OXR1: variants seen among roughly 807,000 people sequenced by gnomAD.
OXR1 encodes the protein oxidation resistance protein 1.
Under a neutral mutation model 104.6 loss-of-function variants are expected in OXR1, and 41 were observed. The ratio of observed to expected loss-of-function variants is 0.39; its 90% confidence interval spans 0.31 to 0.51. OXR1 has a LOEUF of 0.51. Ranked by LOEUF, OXR1 falls within the 20% of genes least tolerant of loss-of-function variation. OXR1 has a pLI of 0.77. For missense variants in OXR1, 955 were observed against 1,031.9 expected (o/e 0.93, Z 1.02); for synonymous variants, 348 against 348.4 (o/e 1.00, Z 0.01).
intron 11 of OXR1, among the ~76,000 whole-genome samples, chr8:106,719,579 A>T (rs1832638097): frequency 6.6e-6 from 1 of 152,152 alleles, no homozygotes; most frequent in Non-Finnish European, 1.5e-5. Context: ...AAGTCTCTCT[A>T]AATGTAGGTT....
At chr8:106,601,687 G>T (rs1454629158) in intron 3 of OXR1, among the ~76,000 whole-genome samples, 1 of 152,158 alleles carries the variant, frequency 6.6e-6, no homozygotes, top group Non-Finnish European at 1.5e-5. Context: ...CCATCCTCTG[G>T]TGTGCATTCC....
At chr8:106,702,194 A>C (rs144720530) in intron 7 of OXR1, among the ~76,000 whole-genome samples, 3 of 152,310 alleles carry the variant, frequency 2.0e-5, no homozygotes, top group Non-Finnish European at 2.9e-5. Context: ...TCCTGGCCTC[A>C]AGTGATCCAC....
At chr8:106,380,785 C>T (rs1045762165) in intron 2 of OXR1, among the ~76,000 whole-genome samples, 1 of 152,046 alleles carries the variant, frequency 6.6e-6, no homozygotes, top group African/African-American at 2.4e-5. Context: ...ATATTTTTTG[C>T]TCATATTTTA....
intron 1 of OXR1, among the ~76,000 whole-genome samples, chr8:106,335,793 A>G (rs956990583): frequency 6.6e-6 from 1 of 152,090 alleles, no homozygotes; most frequent in Non-Finnish European, 1.5e-5. Flanking sequence ...CATGAGATAT[A>G]AATTAAAAGG....
At chr8:106,680,722 A>C (rs1828066222) in intron 4 of OXR1, among the ~76,000 whole-genome samples, 1 of 152,116 alleles carries the variant, frequency 6.6e-6, no homozygotes, top group African/African-American at 2.4e-5. Context: ...ACGTGGAGTG[A>C]GACCCAAACT....
intron 2 of OXR1, among the ~76,000 whole-genome samples, chr8:106,492,203 C>A (rs1244222062): frequency 6.6e-6 from 1 of 152,176 alleles, no homozygotes; most frequent in Non-Finnish European, 1.5e-5. Context: ...CAGAGGAACT[C>A]ATTTGTTCAG....
At chr8:106,360,154 C>G (rs1042562792) in intron 2 of OXR1, among the ~76,000 whole-genome samples, 11 of 152,080 alleles carry the variant, frequency 7.2e-5, no homozygotes, top group Admixed American at 6.5e-4. Context: ...TAATCTTTGA[C>G]TTTCAGTGCA....
chr8:106,729,874 C>T (rs183396985), intron 11 of OXR1: 140 of 152,080 alleles, frequency 9.2e-4, no homozygotes, highest in African/African-American at 3.1e-3. Flanking sequence ...AGTTGAAAAG[C>T]ATATATCTTA....
chr8:106,721,012 A>C (rs1005201107), intron 11 of OXR1, among the ~76,000 whole-genome samples: 1 of 152,114 alleles, frequency 6.6e-6, no homozygotes, highest in African/African-American at 2.4e-5. Flanking sequence ...ATTTATCATG[A>C]GACATTACAT....
intron 1 of OXR1, among the ~76,000 whole-genome samples, chr8:106,281,894 G>C (rs574947331): frequency 6.6e-6 from 1 of 150,662 alleles, no homozygotes; most frequent in Non-Finnish European, 1.5e-5. Flanking sequence ...CCAGGAATGA[G>C]GGACCATAAT....
At chr8:106,283,724 T>A (rs560861425) in intron 1 of OXR1, among the ~76,000 whole-genome samples, 4 of 152,310 alleles carry the variant, frequency 2.6e-5, no homozygotes, top group African/African-American at 7.2e-5. Context: ...ACCATTTTAA[T>A]AAAGCTTATT....
At chr8:106,497,594 A>G (rs1811496229) in intron 2 of OXR1, among the ~76,000 whole-genome samples, 1 of 152,156 alleles carries the variant, frequency 6.6e-6, no homozygotes, top group African/African-American at 2.4e-5. Context: ...ACTTTTGGAA[A>G]TATTTACTGG....
intron 3 of OXR1, among the ~76,000 whole-genome samples, chr8:106,539,732 A>G (rs1484179071): frequency 6.6e-6 from 1 of 152,200 alleles, no homozygotes; most frequent in Non-Finnish European, 1.5e-5. Flanking sequence ...AGAAAGAGAA[A>G]TGCACATGAG....
In OXR1 at chr8:106,692,722, A is replaced by T; in HGVS notation, c.526-6A>T. 6.9e-7 allele frequency: 1 copy of T among 1,441,578 alleles called. No homozygotes were observed. The highest frequency in any genetic ancestry group is 1.6e-5 in the South Asian group (1 of 61,692). The allele number at this position is 1,441,578 out of a possible 1,614,324, so 89.3% of individuals were successfully genotyped here. ...TTTTTTTCTTTCCTTTAAAAAAAAA[A>T]AAAAGAATCCTGATGTCCATCCAAC... On this transcript the variant is annotated splice_region_variant and splice_polypyrimidine_tract_variant and intron_variant, in intron 6 of 16. Coordinates refer to ENST00000517566, the MANE Select transcript of OXR1 (RefSeq NM_001198533.2).
rs200960843 is a variant in OXR1 at position 106,467,987 on chromosome 8, G to A, written c.24-50956G>A. Among the ~76,000 whole-genome samples, 6 of 152,012 alleles carry A rather than the reference G, an allele frequency of 3.9e-5. No homozygotes were observed. In the East Asian group the frequency reaches 1.2e-3, roughly 29 times the overall value. ...TGAGGGAAAAGTATGTTTAGAGCTA[G>A]AAAGAGAGTGACAGAGATGGAGATG... On this transcript the variant is annotated intron_variant, in intron 2 of 16. Transcript: ENST00000517566.
chr8:106,687,266 T>C (rs1301413954), intron 6 of OXR1, among the ~76,000 whole-genome samples: 3 of 152,320 alleles, frequency 2.0e-5, no homozygotes, highest in Non-Finnish European at 4.4e-5. Flanking sequence ...TCTCATCTTA[T>C]CTTTTGTCAG....
chr8:106,348,997 T>C (rs1815611888), intron 1 of OXR1, among the ~76,000 whole-genome samples: 1 of 152,158 alleles, frequency 6.6e-6, no homozygotes, highest in Admixed American at 6.5e-5. Flanking sequence ...ATTGGAGGGT[T>C]AGAGACAAGT....
rs181065077 is a variant in OXR1, at chr8:106,692,778, T to C, written c.576T>C (p.Gly192=). 1.3e-4 allele frequency: 200 copies of C among 1,599,912 alleles called. No homozygotes were observed. Among genetic ancestry groups the C allele is most frequent in the Non-Finnish European group, 9.4e-6 (11 of 1,170,962 alleles). The stretch of plus-strand genomic sequence containing the variant: ...CAACTCCCTCATCTACTTTCACTGG[T>C]ATTCGACCTGCACGAGTTGTATCTT... The part of the protein sequence containing the change: ...TEATPSSTFT[G]IRPARVVSST... The change falls in exon 7 of 17, where the codon GGT becomes GGC. Residue 192 remains glycine, a synonymous_variant. Transcript: ENST00000517566.
Position 106,504,700 on chromosome 8 carries a change from A to G in OXR1, c.24-14243A>G, listed in dbSNP as rs533551672. ...AATAAAGATTGTACTTTTTGTTATC[A>G]TCAGATTTTATTATTCTTTGATGAT... is the stretch of plus-strand genomic sequence containing the variant. On this transcript the variant is annotated intron_variant, in intron 2 of 16. Transcript: ENST00000517566. 4.2e-4 allele frequency among the ~76,000 whole-genome samples: 64 copies of G among 152,238 alleles called. 1 individual carries two copies. Among genetic ancestry groups the G allele is most frequent in the South Asian group, 6.2e-4 (3 of 4,808 alleles).
Sources: allele counts gnomAD v4.1 joint callset (sites outside exome capture counted in the v4.1 genomes callset), GRCh38; gene constraint gnomAD v4.1.1; transcripts MANE v1.5; gene names NCBI Gene and HGNC (gene_info 2026-07-23, HGNC 2026-07-21).